Variants in RALGPS2 observed in about 807,000 individuals in gnomAD.
RALGPS2 encodes the protein ras-specific guanine nucleotide-releasing factor RalGPS2.
RALGPS2 carries 43 observed loss-of-function variants against 86.8 expected under a neutral mutation model. The observed-to-expected ratio is 0.50, with a 90% confidence interval of 0.39 to 0.64. The LOEUF is 0.64. Ranked by LOEUF, RALGPS2 falls within the 30% of genes least tolerant of loss-of-function variation. The probability of loss-of-function intolerance (pLI) is 0.00; values close to 1 mark genes in which losing one functional copy is unlikely to be tolerated. For missense variants in RALGPS2, 536 were observed against 694.6 expected (o/e 0.77, Z 2.57); for synonymous variants, 243 against 231.3 (o/e 1.05, Z -0.46).
intron 1 of RALGPS2, among the ~76,000 whole-genome samples, chr1:178,739,874 G>A (rs748162344): frequency 1.3e-5 from 2 of 152,178 alleles, no homozygotes; most frequent in Non-Finnish European, 2.9e-5. Flanking sequence ...ACTGGCTGTA[G>A]GAATGAAGTC....
intron 17 of RALGPS2, among the ~76,000 whole-genome samples, chr1:178,899,494 AATTTT>A (rs1396738208): frequency 6.6e-6 from 1 of 151,878 alleles, no homozygotes. Context: ...GGAAGAAAAA[AATTTT>A]AATCGTTTTC....
At chr1:178,740,400 T>C (rs998083584) in intron 1 of RALGPS2, among the ~76,000 whole-genome samples, 5 of 152,266 alleles carry the variant, frequency 3.3e-5, no homozygotes, top group Admixed American at 1.3e-4. Context: ...GACCTAAGGG[T>C]TGCTAATCCA....
intron 6 of RALGPS2, among the ~76,000 whole-genome samples, chr1:178,819,103 C>T (rs1655375165): frequency 6.6e-6 from 1 of 151,560 alleles, no homozygotes; most frequent in Non-Finnish European, 1.5e-5. Context: ...GTCCTCCCAT[C>T]TCAGCCTCCC....
intron 8 of RALGPS2, among the ~76,000 whole-genome samples, chr1:178,839,765 C>A (rs1478531720): frequency 6.6e-6 from 1 of 152,120 alleles, no homozygotes; most frequent in Non-Finnish European, 1.5e-5. Flanking sequence ...TCAGGAGACC[C>A]ATCTCATGTG....
intron 1 of RALGPS2, among the ~76,000 whole-genome samples, chr1:178,769,662 A>T (rs759901662): frequency 6.6e-6 from 1 of 152,154 alleles, no homozygotes; most frequent in Non-Finnish European, 1.5e-5. Context: ...AGTGATATAC[A>T]TAGACTGGTT....
At chr1:178,820,118 T>C (rs1247713325) in intron 6 of RALGPS2, among the ~76,000 whole-genome samples, 1 of 152,232 alleles carries the variant, frequency 6.6e-6, no homozygotes, top group Non-Finnish European at 1.5e-5. Context: ...ATGTAATTAT[T>C]CACCTTAAGT....
chr1:178,895,602 G>A (rs994934227), intron 16 of RALGPS2, among the ~76,000 whole-genome samples: 1 of 152,072 alleles, frequency 6.6e-6, no homozygotes, highest in Non-Finnish European at 1.5e-5. Flanking sequence ...AGACAAGAAG[G>A]CTTGTGTAGT....
At chr1:178,749,821 G>A (rs1030719370) in intron 1 of RALGPS2, among the ~76,000 whole-genome samples, 4 of 152,130 alleles carry the variant, frequency 2.6e-5, no homozygotes, top group African/African-American at 9.7e-5. Context: ...CTGGCTGGGT[G>A]TGGTGGCTCA....
intron 10 of RALGPS2, among the ~76,000 whole-genome samples, chr1:178,881,208 A>T (rs1056395443): frequency 6.6e-6 from 1 of 152,172 alleles, no homozygotes; most frequent in African/African-American, 2.4e-5. Context: ...AAACATAGAT[A>T]AGGGGGGACC....
chr1:178,905,171 G>A (rs1012671459), intron 18 of RALGPS2, among the ~76,000 whole-genome samples: 1 of 152,074 alleles, frequency 6.6e-6, no homozygotes, highest in African/African-American at 2.4e-5. Context: ...GTCATTGTTG[G>A]TGTATAGAAG....
At chr1:178,737,272 GT>G (rs2102014429) in intron 1 of RALGPS2, among the ~76,000 whole-genome samples, 1 of 152,230 alleles carries the variant, frequency 6.6e-6, no homozygotes, top group East Asian at 1.9e-4. Flanking sequence ...TTGAGATGAA[GT>G]CTTGCTCTGT....
At chr1:178,885,246 A>G (rs764191275) in intron 12 of RALGPS2, 35 bp downstream of exon 12, 1 of 1,576,134 alleles carries the variant, frequency 6.3e-7, no homozygotes, top group East Asian at 2.3e-5. Flanking sequence ...CAAATTTTTA[A>G]GTCTTTTGTA....
intron 18 of RALGPS2, 71 bp downstream of exon 18, chr1:178,902,282 G>T (rs945442744): frequency 1.7e-6 from 2 of 1,210,914 alleles, no homozygotes; most frequent in South Asian, 2.5e-5. Flanking sequence ...ATGTATGTGT[G>T]TGTGTATACT....
At position 178,799,127 on chromosome 1, in the gene RALGPS2, C is replaced by A. The variant is rs143826179; in HGVS notation, c.214-8918C>A. 9.1e-3 allele frequency among the ~76,000 whole-genome samples: 1,385 copies of A among 152,260 alleles called. 24 individuals are homozygous for A. The highest frequency in any genetic ancestry group is 0.029 in the African/African-American group (1,218 of 41,536). On this transcript the variant is annotated intron_variant, in intron 4 of 19. Transcript: ENST00000367635. ...CGATCTCCGCTCACCACAACCTCCACCTCCTGGGTTCAAGTGATTCTCCTG... is the reference window on the plus strand; with the variant it reads ...CGATCTCCGCTCACCACAACCTCCAACTCCTGGGTTCAAGTGATTCTCCTG...
intron 17 of RALGPS2, among the ~76,000 whole-genome samples, chr1:178,898,135 C>A (rs1660024563): frequency 6.6e-6 from 1 of 152,104 alleles, no homozygotes; most frequent in African/African-American, 2.4e-5. Context: ...GAGGAATGAT[C>A]AATTACAACA....
chr1:178,883,209 A>G (rs1659334805), intron 10 of RALGPS2, among the ~76,000 whole-genome samples: 1 of 152,188 alleles, frequency 6.6e-6, no homozygotes, highest in Admixed American at 6.5e-5. Flanking sequence ...GCCCTTGGCC[A>G]GGCTTGGTGG....
In RALGPS2 at chr1:178,902,114, A is replaced by C; in HGVS notation, c.1533A>C (p.Ser511=). 1 of 1,611,206 alleles carries C rather than the reference A, an allele frequency of 6.2e-7. No individual in the cohort carries two copies. The highest frequency in any genetic ancestry group is 8.5e-7 in the Non-Finnish European group (1 of 1,177,816). Residue 511 remains serine (S), a synonymous_variant, in exon 18 of 20, where the codon TCA becomes TCC. Transcript: ENST00000367635. ...LKATERKHFK[S]TSNKNVSVIG... ...ATCTTTTTTTCTCTCAGTTCAAATC[A>C]ACATCCAATAAGAACGTATCTGTGA...
At chr1:178,771,506 A>G (rs189165148) in intron 1 of RALGPS2, among the ~76,000 whole-genome samples, 11 of 152,102 alleles carry the variant, frequency 7.2e-5, no homozygotes, top group African/African-American at 1.9e-4. Context: ...TCTTTTCCCC[A>G]TTGGTGATAA....
rs112455866 is a variant in RALGPS2 at position 178,812,995 on chromosome 1, C to T, written c.387+1591C>T. Among the ~76,000 whole-genome samples the T allele has an allele frequency of 1.3e-3, 177 of 138,266 alleles. 1 individual carries two copies. The highest frequency in any genetic ancestry group is 4.5e-3 in the African/African-American group (162 of 35,912). The allele number at this position is 138,266 out of a possible 152,430, so 90.7% of individuals were successfully genotyped here. Reference sequence around the variant, plus strand: ...TGGCCCAGGCTGGAGTGCAGTGGTGCGATCTCGGCTCACTGCAAACTCTGC... The same window carrying T: ...TGGCCCAGGCTGGAGTGCAGTGGTGTGATCTCGGCTCACTGCAAACTCTGC... On this transcript the variant is annotated intron_variant, in intron 6 of 19. Coordinates refer to ENST00000367635, the MANE Select transcript of RALGPS2 (RefSeq NM_152663.5).
Sources: allele counts gnomAD v4.1 joint callset (sites outside exome capture counted in the v4.1 genomes callset), GRCh38; gene constraint gnomAD v4.1.1; transcripts MANE v1.5; gene names NCBI Gene and HGNC (gene_info 2026-07-23, HGNC 2026-07-21).